GNG4: variants seen among roughly 807,000 people sequenced by gnomAD.
GNG4 encodes guanine nucleotide-binding protein G(I)/G(S)/G(O) subunit gamma-4.
Under a neutral mutation model 5.8 loss-of-function variants are expected in GNG4, and 4 were observed. The ratio of observed to expected loss-of-function variants is 0.69; its 90% CI spans 0.34 to 1.57. GNG4 has a LOEUF of 1.57. Ranked by LOEUF, GNG4 falls within the 40% of genes most tolerant of loss-of-function variation. The probability of loss-of-function intolerance (pLI) is 0.06; values close to 1 mark genes in which losing one functional copy is unlikely to be tolerated. For synonymous variants in GNG4, 29 were observed against 32.9 expected, an observed-to-expected ratio of 0.88 and a Z score of 0.41; for missense variants, 96 against 95.1, an observed-to-expected ratio of 1.01 and a Z score of -0.04.
chr1:235,554,630 G>C (rs946639507), intron 3 of GNG4, among the ~76,000 whole-genome samples: 4 of 152,204 alleles, frequency 2.6e-5, no homozygotes, highest in African/African-American at 9.6e-5. Flanking sequence ...GATCGCCTGA[G>C]GTCAGGAGTT....
chr1:235,583,226 G>A (rs1184611442), intron 3 of GNG4, among the ~76,000 whole-genome samples: 1 of 152,186 alleles, frequency 6.6e-6, no homozygotes, highest in Non-Finnish European at 1.5e-5. Flanking sequence ...TCATCTTGCT[G>A]CAGTCCTCCC....
At chr1:235,600,379 C>A (rs1048642320) in intron 1 of GNG4, among the ~76,000 whole-genome samples, 1 of 151,682 alleles carries the variant, frequency 6.6e-6, no homozygotes, top group Non-Finnish European at 1.5e-5. Context: ...CCTCCCAAAG[C>A]GTTGGGATTA....
chr1:235,617,158 T>C (rs2102973520), intron 1 of GNG4, among the ~76,000 whole-genome samples: 1 of 152,244 alleles, frequency 6.6e-6, no homozygotes, highest in East Asian at 1.9e-4. Context: ...GCCCATGACA[T>C]TGGCTGGGCA....
At chr1:235,633,713 C>G (rs1688977738) in intron 1 of GNG4, among the ~76,000 whole-genome samples, 1 of 152,032 alleles carries the variant, frequency 6.6e-6, no homozygotes, top group Admixed American at 6.6e-5. Flanking sequence ...GGCCTCAAAC[C>G]CTTGGCCTCT....
At chr1:235,592,509 CTAAA>C (rs555098203) in intron 2 of GNG4, among the ~76,000 whole-genome samples, 28 of 152,156 alleles carry the variant, frequency 1.8e-4, no homozygotes, top group African/African-American at 5.3e-4. Flanking sequence ...ACTCTTATCT[CTAAA>C]TAAATAAATA....
intron 3 of GNG4, among the ~76,000 whole-genome samples, chr1:235,557,008 A>C (rs1201865707): frequency 1.3e-5 from 2 of 152,100 alleles, no homozygotes; most frequent in Non-Finnish European, 2.9e-5. Context: ...CTCAAGCGGT[A>C]ATGCAACCAA....
intron 2 of GNG4, among the ~76,000 whole-genome samples, chr1:235,590,437 A>G (rs1687931029): frequency 6.6e-6 from 1 of 151,958 alleles, no homozygotes. Context: ...CCTGGGTGAC[A>G]GAGTGAGACT....
At chr1:235,591,359 C>T (rs1301259103) in intron 2 of GNG4, among the ~76,000 whole-genome samples, 2 of 152,170 alleles carry the variant, frequency 1.3e-5, no homozygotes, top group East Asian at 3.9e-4. Context: ...GAGGGAGCCC[C>T]TTCCCTGAGG....
chr1:235,613,011 A>C (rs1688513464), intron 1 of GNG4, among the ~76,000 whole-genome samples: 2 of 152,070 alleles, frequency 1.3e-5, no homozygotes, highest in African/African-American at 4.8e-5. Context: ...TAAGGGCACA[A>C]GTCCAATTCA....
rs1262869012 is a variant in GNG4 at position 235,648,078 on chromosome 1, G to C, written c.-123+1584C>G. On this transcript the variant is annotated intron_variant, in intron 1 of 3. Transcript: ENST00000391854. The surrounding 1 kb of genome is among the most constrained non-coding windows in gnomAD (Gnocchi z 5.0). ...GTTTGCATGAGAAACGCCAATCATAGGACTGCTGGGAATGGCCCCTTAGCT... is the reference window on the plus strand; with the variant it reads ...GTTTGCATGAGAAACGCCAATCATACGACTGCTGGGAATGGCCCCTTAGCT... Among the ~76,000 whole-genome samples, 1 of 151,726 alleles carries C rather than the reference G, an allele frequency of 6.6e-6. No individual in the cohort carries two copies. The highest frequency in any genetic ancestry group is 2.4e-5 in the African/African-American group (1 of 41,178).
intron 1 of GNG4, among the ~76,000 whole-genome samples, chr1:235,619,736 T>C (rs1217164082): frequency 6.6e-6 from 1 of 152,232 alleles, no homozygotes; most frequent in African/African-American, 2.4e-5. Flanking sequence ...TTTATTTTTC[T>C]AAAACTGCTT....
chr1:235,572,219 A>G (rs564342281), intron 3 of GNG4, among the ~76,000 whole-genome samples: 186 of 152,128 alleles, frequency 1.2e-3, no homozygotes, highest in Middle Eastern at 0.01. Flanking sequence ...AGTACTAGAT[A>G]TCTTTTTTTT....
intron 1 of GNG4, among the ~76,000 whole-genome samples, chr1:235,618,660 GTT>G (rs1280912368): frequency 1.1e-4 from 16 of 140,022 alleles, no homozygotes; most frequent in African/African-American, 3.9e-4. Flanking sequence ...TAATCTTTTT[GTT>G]TTTTTTTTTT....
At chr1:235,628,993 A>ATTTTTTTTTTTTTTTTTTTT (rs1054950474) in intron 1 of GNG4, among the ~76,000 whole-genome samples, 2 of 118,362 alleles carry the variant, frequency 1.7e-5, no homozygotes, top group African/African-American at 6.0e-5. Context: ...ATTTGCTTGA[A>ATTTTTTTTTTTTTTTTTTTT]TTTTTTTTTT....
intron 1 of GNG4, among the ~76,000 whole-genome samples, chr1:235,608,680 A>AT (rs1297806370): frequency 1.5e-5 from 2 of 130,506 alleles, no homozygotes; most frequent in African/African-American, 7.1e-5. Context: ...TTAGTTTTTT[A>AT]TTTTTTATTT....
In GNG4 at chr1:235,648,504, C is replaced by G. The variant is rs968922077; in HGVS notation, c.-123+1158G>C. ...GCCAGATCAGATGGCGGCTGGTTCC[C>G]CTCCCCCGCCTCATACAAAAATCAG... On this transcript the variant is annotated intron_variant, in intron 1 of 3. Transcript: ENST00000391854. The surrounding 1 kb of genome is among the most constrained non-coding windows in gnomAD (Gnocchi z 5.0). Among the ~76,000 whole-genome samples, 12 of 152,352 alleles carry G rather than the reference C, an allele frequency of 7.9e-5. No individual in the cohort carries two copies. Among genetic ancestry groups the G allele is most frequent in the African/African-American group, 2.9e-4 (12 of 41,576 alleles).
chr1:235,637,281 C>T (rs1227801040), intron 1 of GNG4, among the ~76,000 whole-genome samples: 27 of 152,156 alleles, frequency 1.8e-4, no homozygotes, highest in Admixed American at 1.8e-3. Flanking sequence ...AAAAACAATG[C>T]TTAAAACACC....
At position 235,600,957 on chromosome 1, in the gene GNG4, A is replaced by G. The variant is rs1328921869; in HGVS notation, c.-122-5446T>C. On this transcript the variant is annotated intron_variant, in intron 1 of 3. Coordinates refer to ENST00000391854, the MANE Select transcript of GNG4 (RefSeq NM_001098722.2). ...AAGATAGGGCGGGCACGCCGTAGCC[A>G]GTCCCTATGAACGTGACTCTGGTGT... Among the ~76,000 whole-genome samples the G allele has an allele frequency of 2.0e-5, 3 of 152,242 alleles. No homozygotes were observed. The East Asian group carries it at 5.8e-4, about 29-fold the overall frequency.
intron 3 of GNG4, among the ~76,000 whole-genome samples, chr1:235,569,724 C>T (rs1414455909): frequency 2.6e-5 from 4 of 151,788 alleles, no homozygotes; most frequent in South Asian, 2.1e-4. Context: ...CCCACCACTA[C>T]GCCCAGCTCA....
Sources: allele counts gnomAD v4.1 joint callset (sites outside exome capture counted in the v4.1 genomes callset), GRCh38; gene constraint gnomAD v4.1.1; non-coding constraint Gnocchi (gnomAD v3.1); transcripts MANE v1.5; gene names NCBI Gene and HGNC (gene_info 2026-07-23, HGNC 2026-07-21).